CLHC1: variants seen among roughly 807,000 people sequenced by gnomAD.
CLHC1 encodes clathrin heavy chain linker domain containing 1, also known as clathrin heavy chain linker domain-containing protein 1.
CLHC1 carries 72 observed loss-of-function variants against 69.5 expected under a neutral mutation model. The ratio of observed to expected loss-of-function variants is 1.04; its 90% CI spans 0.86 to 1.26. The LOEUF (loss-of-function observed/expected upper bound fraction) is 1.26. Ranked by LOEUF, CLHC1 falls within the 50% of genes most tolerant of loss-of-function variation. The pLI, the probability that CLHC1 is intolerant of heterozygous loss-of-function variation, is 0.00. For synonymous variants in CLHC1, 223 were observed against 224.3 expected (o/e 0.99, Z 0.05); for missense variants, 790 against 679.3 (o/e 1.16, Z -1.81).
chr2:55,198,442 C>T (rs1384849772), intron 9 of CLHC1, among the ~76,000 whole-genome samples: 1 of 152,048 alleles, frequency 6.6e-6, no homozygotes, highest in Non-Finnish European at 1.5e-5. Flanking sequence ...CAAAAATTAG[C>T]TGGGTATGGT....
At chr2:55,220,176 T>C (rs896845723) in intron 3 of CLHC1, among the ~76,000 whole-genome samples, 11 of 152,192 alleles carry the variant, frequency 7.2e-5, no homozygotes, top group African/African-American at 2.4e-4. Flanking sequence ...CAGGTATGAT[T>C]CTCCAGGTCA....
Position 55,177,747 on chromosome 2 carries a change from T to A in CLHC1, c.1419A>T (p.Gln473His), listed in dbSNP as rs13032294. The change falls in exon 12 of 13, where the codon CAA becomes CAT. Residue 473 changes from glutamine (Q) to histidine (H), a missense_variant. Transcript: ENST00000401408. ...TAGTGAGACACTGAATTAATTCAAC[T>A]TGGGGACATGACATTAATAGCTGCA... ...DLLQLLMSCP[Q>H]VELIQCLTKE... 2 of 1,611,684 alleles carry A rather than the reference T, an allele frequency of 1.2e-6. No individual in the cohort carries two copies. Among genetic ancestry groups the A allele is most frequent in the South Asian group, 2.2e-5 (2 of 90,752 alleles).
At chr2:55,202,897 C>CAA (rs34307486) in intron 9 of CLHC1, among the ~76,000 whole-genome samples, 9 of 93,364 alleles carry the variant, frequency 9.6e-5, no homozygotes, top group East Asian at 8.0e-4. Flanking sequence ...AGACTCATCT[C>CAA]AAAAAAAAAA....
chr2:55,227,728 G>A (rs910184567), intron 2 of CLHC1, among the ~76,000 whole-genome samples: 2 of 151,874 alleles, frequency 1.3e-5, no homozygotes, highest in Non-Finnish European at 2.9e-5. Flanking sequence ...AGAAACGGGT[G>A]TTATCATTAG....
intron 2 of CLHC1, 141 bp from the exon 3 acceptor site, chr2:55,222,634 A>G (rs945046080): frequency 7.9e-6 from 3 of 380,534 alleles, no homozygotes; most frequent in African/African-American, 6.3e-5. Context: ...TAAAAGGTCT[A>G]TGCTGCCAAG....
intron 4 of CLHC1, chr2:55,215,093 G>A (rs1306195295): frequency 6.6e-6 from 1 of 152,150 alleles, no homozygotes; most frequent in East Asian, 1.9e-4. Context: ...GTAAATGATA[G>A]ATAAATTATT....
At position 55,177,689 on chromosome 2, in the gene CLHC1, A is replaced by G. The variant is rs763633523; in HGVS notation, c.1477T>C (p.Phe493Leu). Reference sequence around the variant, plus strand: ...AACAGATGAAGTATAGCAAGACCAAAAGATAAAGATGGTTGTTTCTCATTC... The same window carrying G: ...AACAGATGAAGTATAGCAAGACCAAGAGATAAAGATGGTTGTTTCTCATTC... ...ELNEKQPSLS[F>L]GLAILHLFSA... Residue 493 changes from phenylalanine to leucine, a missense_variant, in exon 12 of 13, where the codon TTT becomes CTT. Physicochemically the swap from Phe to Leu is conservative, Grantham distance 22. Transcript: ENST00000401408. 11 of 1,613,196 alleles carry G rather than the reference A, an allele frequency of 6.8e-6. No homozygotes were observed. In the South Asian group the frequency reaches 9.9e-5, roughly 14 times the overall value.
chr2:55,205,423 G>GCACA (rs944290333), intron 9 of CLHC1, among the ~76,000 whole-genome samples: 2 of 73,196 alleles, frequency 2.7e-5, no homozygotes, highest in South Asian at 8.7e-4. Context: ...ACACACACAC[G>GCACA]CACACACACA....
At position 55,209,894 on chromosome 2, in the gene CLHC1, G is replaced by C. The variant is rs987128484; in HGVS notation, c.500-63C>G. 7 of 1,049,174 alleles carry C rather than the reference G, an allele frequency of 6.7e-6. No individual in the cohort carries two copies. The Admixed American group carries it at 1.4e-4, about 20-fold the overall frequency. The allele number at this position is 1,049,174 out of a possible 1,614,324, so 65.0% of individuals were successfully genotyped here. On this transcript the variant is annotated intron_variant, in intron 5 of 12. Coordinates refer to ENST00000401408, the MANE Select transcript of CLHC1 (RefSeq NM_152385.4). The stretch of plus-strand genomic sequence containing the variant: ...TGTGTGGGACGCTTGTGCTCAAAGA[G>C]CAAGTCTTAGAAAGACAGTTCACTA...
intron 9 of CLHC1, among the ~76,000 whole-genome samples, chr2:55,205,256 G>A (rs1558486743): frequency 6.6e-6 from 1 of 152,002 alleles, no homozygotes; most frequent in South Asian, 2.1e-4. Context: ...CAGCAATCCC[G>A]CTACTGGGTA....
At chr2:55,208,809 G>C in intron 7 of CLHC1, 99 bp from the exon 8 acceptor site, 1 of 720,298 alleles carries the variant, frequency 1.4e-6, no homozygotes. Context: ...TTATTGCTAT[G>C]GCTCCTAACA....
chr2:55,204,321 C>G (rs1672236635), intron 9 of CLHC1, among the ~76,000 whole-genome samples: 1 of 152,114 alleles, frequency 6.6e-6, no homozygotes, highest in South Asian at 2.1e-4. Context: ...AGACATTTCT[C>G]AAAAGAAGAC....
chr2:55,206,469 G>C (rs1672459005), intron 8 of CLHC1, 93 bp from the exon 9 acceptor site: 1 of 707,908 alleles, frequency 1.4e-6, no homozygotes, highest in African/African-American at 1.8e-5. Context: ...AAATATAGCG[G>C]CATAACGATA....
chr2:55,176,195 TAACCTCTTCATGTCTCA>T (rs1669376516), intron 12 of CLHC1, among the ~76,000 whole-genome samples: 2 of 152,186 alleles, frequency 1.3e-5, no homozygotes, highest in South Asian at 4.1e-4. Context: ...CCCTTATCAT[TAACCTCTTCATGTCTCA>T]ATTCAACCCT....
intron 9 of CLHC1, among the ~76,000 whole-genome samples, chr2:55,201,330 G>C (rs574976950): frequency 6.6e-6 from 1 of 151,978 alleles, no homozygotes; most frequent in Non-Finnish European, 1.5e-5. Flanking sequence ...AGATGAAAAA[G>C]GAGACATTAC....
chr2:55,212,744 C>T lies in CLHC1; in HGVS notation c.428G>A (p.Cys143Tyr). The change falls in exon 5 of 13, where the codon TGT becomes TAT. Residue 143 changes from cysteine to tyrosine, a missense_variant. Transcript: ENST00000401408. ...IQSQIDHIKQ[C>Y]RAEYDTKEVK... Reference sequence around the variant, plus strand: ...TTCTTTTGTGTCATACTCTGCCCTACACTGCTTGATGTGATCTATTTGAGA... The same window carrying T: ...TTCTTTTGTGTCATACTCTGCCCTATACTGCTTGATGTGATCTATTTGAGA... 6.3e-7 allele frequency: 1 copy of T among 1,597,062 alleles called. No individual in the cohort carries two copies. The highest frequency in any genetic ancestry group is 2.2e-5 in the East Asian group (1 of 44,736).
At chr2:55,226,294 A>G (rs1481647766) in intron 2 of CLHC1, among the ~76,000 whole-genome samples, 1 of 152,212 alleles carries the variant, frequency 6.6e-6, no homozygotes, top group East Asian at 1.9e-4. Context: ...ATTAACTTCA[A>G]ACAGAACTCT....
intron 2 of CLHC1, among the ~76,000 whole-genome samples, chr2:55,227,677 CAAAAAAA>C (rs372124703): frequency 4.7e-5 from 6 of 127,704 alleles, no homozygotes; most frequent in Non-Finnish European, 9.7e-5. Flanking sequence ...GACTCCATCT[CAAAAAAA>C]AAAAAAAAGT....
At position 55,188,487 on chromosome 2, in the gene CLHC1, T is replaced by C. The variant is rs544546563; in HGVS notation, c.1007-6743A>G. On this transcript the variant is annotated intron_variant, in intron 9 of 12. Transcript: ENST00000401408. ...AAGATATAGAACATAGGAAATCGCA[T>C]ACGTTACCATTGGGAATATAAATTA... 7.2e-5 allele frequency among the ~76,000 whole-genome samples: 11 copies of C among 152,296 alleles called. No individual in the cohort carries two copies. In the East Asian group the frequency reaches 1.7e-3, roughly 24 times the overall value.
Sources: gnomAD v4.1 joint callset for allele counts (sites outside exome capture counted in the v4.1 genomes callset) on GRCh38, gnomAD v4.1.1 for gene constraint, MANE v1.5 for transcripts, NCBI Gene and HGNC (gene_info 2026-07-23, HGNC 2026-07-21) for gene names.